TAFA1: variants seen among roughly 807,000 people sequenced by gnomAD.
TAFA1 encodes chemokine-like protein TAFA-1.
Under a neutral mutation model 18.5 loss-of-function variants are expected in TAFA1, and 4 were observed. The ratio of observed to expected loss-of-function variants is 0.22; its 90% CI spans 0.11 to 0.49. The LOEUF (loss-of-function observed/expected upper bound fraction) is 0.49. TAFA1 is among the 20% of genes least tolerant of loss of function. The probability of loss-of-function intolerance (pLI) is 0.98; values close to 1 mark genes in which losing one functional copy is unlikely to be tolerated. For synonymous variants in TAFA1, 56 were observed against 55.2 expected, an observed-to-expected ratio of 1.01 and a Z score of -0.06; for missense variants, 147 against 169.0, an observed-to-expected ratio of 0.87 and a Z score of 0.72.
intron 2 of TAFA1, among the ~76,000 whole-genome samples, chr3:68,044,599 C>T (rs1018116949): frequency 6.6e-6 from 1 of 152,164 alleles, no homozygotes. Flanking sequence ...ATTCAAGACA[C>T]TGAAAACAAT....
chr3:68,440,027 T>C (rs1481418989), intron 3 of TAFA1, among the ~76,000 whole-genome samples: 1 of 146,208 alleles, frequency 6.8e-6, no homozygotes, highest in Non-Finnish European at 1.5e-5. Context: ...GAAATTGATA[T>C]GGTTTAGCTG....
chr3:68,216,853 G>A (rs1187225771), intron 2 of TAFA1, among the ~76,000 whole-genome samples: 1 of 152,076 alleles, frequency 6.6e-6, no homozygotes, highest in African/African-American at 2.4e-5. Flanking sequence ...AATGAATAAA[G>A]TGATATGGGA....
chr3:68,513,710 A>T (rs2072881850), intron 3 of TAFA1, among the ~76,000 whole-genome samples: 1 of 152,186 alleles, frequency 6.6e-6, no homozygotes, highest in Non-Finnish European at 1.5e-5. Context: ...AAAAGACTAT[A>T]AAGCAGGACA....
At chr3:68,051,970 G>A (rs1023695939) in intron 2 of TAFA1, among the ~76,000 whole-genome samples, 1 of 152,056 alleles carries the variant, frequency 6.6e-6, no homozygotes, top group Admixed American at 6.6e-5. Flanking sequence ...GAAGATAAAG[G>A]ACAGACTCCA....
chr3:68,225,367 G>A (rs1013860441), intron 2 of TAFA1, among the ~76,000 whole-genome samples: 2 of 151,948 alleles, frequency 1.3e-5, no homozygotes, highest in Admixed American at 6.6e-5. Context: ...ACTTTTATAG[G>A]GTCATCTATT....
At chr3:68,217,220 G>T (rs983804826) in intron 2 of TAFA1, among the ~76,000 whole-genome samples, 2 of 151,824 alleles carry the variant, frequency 1.3e-5, no homozygotes, top group South Asian at 2.1e-4. Flanking sequence ...GGCAAAAACT[G>T]CAATTTCTTT....
At chr3:68,536,544 G>A (rs1030929900) in intron 3 of TAFA1, among the ~76,000 whole-genome samples, 1 of 152,140 alleles carries the variant, frequency 6.6e-6, no homozygotes, top group African/African-American at 2.4e-5. Context: ...ACATTTTGAG[G>A]ATTCTGAATG....
chr3:68,327,915 C>A (rs554372021), intron 2 of TAFA1, among the ~76,000 whole-genome samples: 2 of 152,256 alleles, frequency 1.3e-5, no homozygotes, highest in African/African-American at 4.8e-5. Flanking sequence ...TCTCCAAACC[C>A]TTGAGTTCTT....
At chr3:68,166,682 G>A (rs559681962) in intron 2 of TAFA1, among the ~76,000 whole-genome samples, 1 of 152,232 alleles carries the variant, frequency 6.6e-6, no homozygotes, top group Non-Finnish European at 1.5e-5. Flanking sequence ...GCGCATAATG[G>A]GAGAGCACCC....
chr3:68,402,619 A>G (rs1451337037), intron 2 of TAFA1, among the ~76,000 whole-genome samples: 1 of 152,146 alleles, frequency 6.6e-6, no homozygotes, highest in Non-Finnish European at 1.5e-5. Context: ...GTGTTTTCTG[A>G]TCTCTCTGGC....
chr3:68,362,940 C>CTTT (rs10681791), intron 2 of TAFA1, among the ~76,000 whole-genome samples: 2,178 of 121,620 alleles, frequency 0.018, 50 homozygotes, highest in African/African-American at 0.044. Context: ...AGATTTCTTC[C>CTTT]TTTTTTTTTT....
At chr3:68,357,536 C>T (rs185727188) in intron 2 of TAFA1, among the ~76,000 whole-genome samples, 3 of 151,872 alleles carry the variant, frequency 2.0e-5, no homozygotes, top group Admixed American at 6.6e-5. Flanking sequence ...GCCATTTCCA[C>T]CCCTTCTATT....
chr3:68,403,920 G>T (rs1441639828), intron 2 of TAFA1, among the ~76,000 whole-genome samples: 2 of 152,148 alleles, frequency 1.3e-5, no homozygotes, highest in African/African-American at 4.8e-5. Context: ...CCCACAAGGG[G>T]ATCAGTAACT....
intron 2 of TAFA1, among the ~76,000 whole-genome samples, chr3:68,393,588 G>A (rs1281838257): frequency 6.6e-6 from 1 of 152,134 alleles, no homozygotes; most frequent in South Asian, 2.1e-4. Context: ...CAATATCCCT[G>A]TTGAACATCA....
chr3:68,023,329 G>A (rs867637955), intron 2 of TAFA1, among the ~76,000 whole-genome samples: 13 of 152,130 alleles, frequency 8.5e-5, no homozygotes, highest in Admixed American at 3.9e-4. Context: ...ATTCAGAGCA[G>A]CATCTTTTTG....
At chr3:68,209,954 T>A (rs2066575480) in intron 2 of TAFA1, among the ~76,000 whole-genome samples, 1 of 151,988 alleles carries the variant, frequency 6.6e-6, no homozygotes, top group Admixed American at 6.6e-5. Context: ...GCATCACTTT[T>A]AATTTTTTTT....
intron 3 of TAFA1, among the ~76,000 whole-genome samples, chr3:68,419,538 C>A (rs1449409637): frequency 6.6e-6 from 1 of 152,112 alleles, no homozygotes; most frequent in Non-Finnish European, 1.5e-5. Context: ...TCTCTCCTCC[C>A]ATCTTTATGT....
intron 3 of TAFA1, among the ~76,000 whole-genome samples, chr3:68,473,698 G>A (rs2072041769): frequency 6.6e-6 from 1 of 152,170 alleles, no homozygotes; most frequent in African/African-American, 2.4e-5. Flanking sequence ...GGCAAATAAT[G>A]TCATGCAAAG....
intron 2 of TAFA1, among the ~76,000 whole-genome samples, chr3:68,049,204 T>C (rs1001529555): frequency 6.6e-6 from 1 of 152,198 alleles, no homozygotes. Flanking sequence ...AGAAATTTCC[T>C]TTTTTACAAC....
Sources: allele counts gnomAD v4.1 joint callset (sites outside exome capture counted in the v4.1 genomes callset), GRCh38; gene constraint gnomAD v4.1.1; transcripts MANE v1.5; gene names NCBI Gene and HGNC (gene_info 2026-07-23, HGNC 2026-07-21).